Variants in ZSWIM6 observed in about 807,000 individuals in gnomAD.
ZSWIM6 encodes zinc finger SWIM-type containing 6, also known as zinc finger SWIM domain-containing protein 6.
In ZSWIM6, 9 loss-of-function variants were observed where a neutral mutation model predicts 113.2. That is an observed-to-expected ratio of 0.08 (90% CI 0.05 to 0.14). The LOEUF (loss-of-function observed/expected upper bound fraction) is 0.14. Among genes scored for constraint, ZSWIM6 ranks in the 10% least tolerant of loss-of-function variants. The probability of loss-of-function intolerance (pLI) is 1.00; values close to 1 mark genes in which losing one functional copy is unlikely to be tolerated. For synonymous variants in ZSWIM6, 611 were observed against 606.5 expected, an observed-to-expected ratio of 1.01 and a Z score of -0.11; for missense variants, 1,162 against 1,552.2, an observed-to-expected ratio of 0.75 and a Z score of 4.22.
At chr5:61,460,176 A>C in intron 1 of ZSWIM6, among the ~76,000 whole-genome samples, 1 of 152,314 alleles carries the variant, frequency 6.6e-6, no homozygotes, top group Non-Finnish European at 1.5e-5. Flanking sequence ...TCAGCCATAC[A>C]TGTCCAGGTA....
In ZSWIM6 at chr5:61,516,636, T is replaced by C. The variant is rs113717083; in HGVS notation, c.1334-4627T>C. ...GTCATGTGCAGTACCTCTATGTGCA[T>C]TTAAAACTCCACAAAATGGTGCTTA... On this transcript the variant is annotated intron_variant, in intron 4 of 13. Coordinates refer to ENST00000252744, the MANE Select transcript of ZSWIM6 (RefSeq NM_020928.2). Among the ~76,000 whole-genome samples the C allele has an allele frequency of 1.3e-4, 20 of 151,224 alleles. 1 individual carries two copies. The highest frequency in any genetic ancestry group is 4.8e-4 in the African/African-American group (20 of 41,384).
intron 1 of ZSWIM6, among the ~76,000 whole-genome samples, chr5:61,401,690 G>A (rs1246475053): frequency 6.6e-6 from 1 of 152,110 alleles, no homozygotes; most frequent in East Asian, 1.9e-4. Context: ...TGACATGGAG[G>A]TAGTTTATAG....
chr5:61,468,019 A>G (rs904002532), intron 1 of ZSWIM6, among the ~76,000 whole-genome samples: 1 of 152,340 alleles, frequency 6.6e-6, no homozygotes, highest in Middle Eastern at 3.4e-3. Context: ...TGGGAAGGGA[A>G]GGAAAGGGAA....
At chr5:61,347,425 T>G (rs1744680865) in intron 1 of ZSWIM6, 2 of 161,084 alleles carry the variant, frequency 1.2e-5, no homozygotes, top group South Asian at 3.4e-4. Context: ...ATTTGGAAGT[T>G]TCAGGATGAG....
At chr5:61,374,658 A>G (rs1398482702) in intron 1 of ZSWIM6, among the ~76,000 whole-genome samples, 3 of 152,030 alleles carry the variant, frequency 2.0e-5, no homozygotes, top group Non-Finnish European at 4.4e-5. Flanking sequence ...GGTTCACGCC[A>G]TTCTCCTGCC....
intron 1 of ZSWIM6, among the ~76,000 whole-genome samples, chr5:61,334,028 A>G (rs868267293): frequency 1.6e-4 from 25 of 152,286 alleles, no homozygotes; most frequent in Admixed American, 3.3e-4. Flanking sequence ...TGCCCCTTTC[A>G]GTTTTCTGTC....
intron 1 of ZSWIM6, among the ~76,000 whole-genome samples, chr5:61,435,049 C>T (rs1561236295): frequency 6.6e-6 from 1 of 152,044 alleles, no homozygotes; most frequent in Non-Finnish European, 1.5e-5. Flanking sequence ...GATATAGTAC[C>T]TGTGTTCTGG....
At chr5:61,521,912 ACTCGACTG>A (rs1749136368) in intron 5 of ZSWIM6, among the ~76,000 whole-genome samples, 2 of 152,076 alleles carry the variant, frequency 1.3e-5, no homozygotes, top group Non-Finnish European at 2.9e-5. Context: ...ATATTTTATG[ACTCGACTG>A]AAGGACATAG....
At chr5:61,469,384 A>C (rs1195951432) in intron 1 of ZSWIM6, among the ~76,000 whole-genome samples, 1 of 152,216 alleles carries the variant, frequency 6.6e-6, no homozygotes, top group African/African-American at 2.4e-5. Flanking sequence ...AAAACACCGT[A>C]ATCTTTGATG....
At chr5:61,398,293 T>C (rs917208583) in intron 1 of ZSWIM6, among the ~76,000 whole-genome samples, 1 of 152,172 alleles carries the variant, frequency 6.6e-6, no homozygotes, top group African/African-American at 2.4e-5. Flanking sequence ...GTGAACCTTA[T>C]TGTGAACTGT....
chr5:61,456,226 A>G (rs73107453), intron 1 of ZSWIM6, among the ~76,000 whole-genome samples: 4,987 of 152,232 alleles, frequency 0.033, 264 homozygotes, highest in African/African-American at 0.11. Flanking sequence ...TATAGTTTTC[A>G]TATATTTATT....
At chr5:61,416,812 G>T (rs1021984740) in intron 1 of ZSWIM6, among the ~76,000 whole-genome samples, 7 of 152,204 alleles carry the variant, frequency 4.6e-5, no homozygotes, top group African/African-American at 1.7e-4. Context: ...GACAGGGAAT[G>T]AATGAGAAGT....
intron 1 of ZSWIM6, among the ~76,000 whole-genome samples, chr5:61,397,134 T>C (rs1745853044): frequency 6.6e-6 from 1 of 152,162 alleles, no homozygotes; most frequent in Non-Finnish European, 1.5e-5. Flanking sequence ...AATAACCAGG[T>C]TTTTCAGTTT....
chr5:61,538,017 A>C (rs1580072128), intron 10 of ZSWIM6, among the ~76,000 whole-genome samples: 1 of 152,110 alleles, frequency 6.6e-6, no homozygotes, highest in Non-Finnish European at 1.5e-5. Context: ...CATGGCTCCC[A>C]GGCTCAGCTG....
intron 1 of ZSWIM6, among the ~76,000 whole-genome samples, chr5:61,395,904 G>T (rs1249401203): frequency 6.6e-6 from 1 of 151,896 alleles, no homozygotes; most frequent in Admixed American, 6.6e-5. Flanking sequence ...ACTTTATTAA[G>T]CTCTACTTTT....
chr5:61,411,233 T>C (rs1002132447), intron 1 of ZSWIM6, among the ~76,000 whole-genome samples: 25 of 152,230 alleles, frequency 1.6e-4, no homozygotes, highest in Admixed American at 3.9e-4. Flanking sequence ...TCTCAAAATA[T>C]GGAGTGAATG....
chr5:61,357,957 C>T (rs567350138), intron 1 of ZSWIM6, among the ~76,000 whole-genome samples: 22 of 152,250 alleles, frequency 1.4e-4, no homozygotes, highest in African/African-American at 5.1e-4. Flanking sequence ...TGGTTGTTAG[C>T]GCCATCTTAT....
chr5:61,398,909 GTTGTTTT>G (rs1364014837), intron 1 of ZSWIM6, among the ~76,000 whole-genome samples: 6 of 120,438 alleles, frequency 5.0e-5, no homozygotes, highest in Non-Finnish European at 8.3e-5. Flanking sequence ...GTTGTGTATA[GTTGTTTT>G]TTTTTTTTTT....
chr5:61,391,375 G>T, intron 1 of ZSWIM6: 2 of 839,404 alleles, frequency 2.4e-6, no homozygotes, highest in South Asian at 1.3e-5. Context: ...GCACATCTGG[G>T]TGTAGGCAAT....
Sources: gnomAD v4.1 joint callset for allele counts (sites outside exome capture counted in the v4.1 genomes callset) on GRCh38, gnomAD v4.1.1 for gene constraint, MANE v1.5 for transcripts, NCBI Gene and HGNC (gene_info 2026-07-23, HGNC 2026-07-21) for gene names.